The following SYT14 variants were observed in gnomAD, a reference collection of about 807,000 sequenced individuals.
SYT14 encodes synaptotagmin 14.
In SYT14, 32 loss-of-function variants were observed where a neutral mutation model predicts 74.2. That is an observed-to-expected ratio of 0.43 (90% confidence interval 0.33 to 0.58). The LOEUF is 0.58. Among genes scored for constraint, SYT14 ranks in the 20% least tolerant of loss-of-function variants. SYT14 has a pLI of 0.05. For synonymous variants in SYT14, 298 were observed against 337.7 expected (o/e 0.88, Z 1.29); for missense variants, 791 against 981.8 (o/e 0.81, Z 2.60).
intron 7 of SYT14, among the ~76,000 whole-genome samples, chr1:210,111,589 A>T (rs2082263161): frequency 6.6e-6 from 1 of 151,162 alleles, no homozygotes; most frequent in South Asian, 2.1e-4. Context: ...CGGCATGGGA[A>T]CCTAGAGTAG....
chr1:210,078,184 CCTGTAGTCCCAGCTACTCGGGAGG>C (rs1215224056), intron 5 of SYT14, among the ~76,000 whole-genome samples: 1 of 151,618 alleles, frequency 6.6e-6, no homozygotes, highest in East Asian at 1.9e-4. Flanking sequence ...GTAGCGGGCG[CCTGTAGTCCCAGCTACTCGGGAGG>C]CTGAGGCAGG....
At chr1:210,068,324 C>T (rs1244860801) in intron 5 of SYT14, among the ~76,000 whole-genome samples, 1 of 151,710 alleles carries the variant, frequency 6.6e-6, no homozygotes, top group African/African-American at 2.4e-5. Context: ...CTTGTGTTCC[C>T]TTTATAAAGG....
At chr1:210,087,946 T>C (rs1030504354) in intron 5 of SYT14, among the ~76,000 whole-genome samples, 1 of 152,196 alleles carries the variant, frequency 6.6e-6, no homozygotes, top group African/African-American at 2.4e-5. Context: ...AATTTCTGTC[T>C]TTTTAATGTC....
intron 2 of SYT14, among the ~76,000 whole-genome samples, chr1:209,990,550 T>TATATATATATATAC (rs1553262377): frequency 0.074 from 53 of 712 alleles, 1 homozygote; most frequent in African/African-American, 0.13. Context: ...TATATATATG[T>TATATATATATATAC]ATATATATAC....
intron 5 of SYT14, among the ~76,000 whole-genome samples, chr1:210,062,489 A>G (rs180753650): frequency 6.6e-6 from 1 of 152,032 alleles, no homozygotes; most frequent in Non-Finnish European, 1.5e-5. Context: ...TTCACAGATT[A>G]TTAGTTGATT....
intron 5 of SYT14, among the ~76,000 whole-genome samples, chr1:210,032,330 GT>G (rs1489548683): frequency 1.3e-5 from 2 of 151,866 alleles, no homozygotes; most frequent in Non-Finnish European, 2.9e-5. Flanking sequence ...TCCTACTTTG[GT>G]CTCTTGTATT....
At chr1:210,017,925 C>A (rs573982879) in intron 4 of SYT14, among the ~76,000 whole-genome samples, 1 of 152,216 alleles carries the variant, frequency 6.6e-6, no homozygotes, top group South Asian at 2.1e-4. Context: ...AGTTCATACT[C>A]TTGTAAAATA....
At chr1:209,971,866 C>T (rs1260598981) in intron 2 of SYT14, among the ~76,000 whole-genome samples, 2 of 151,928 alleles carry the variant, frequency 1.3e-5, no homozygotes, top group Non-Finnish European at 2.9e-5. Flanking sequence ...TGTATTTTTG[C>T]CAAGTTTTGG....
chr1:209,968,806 G>T (rs2079197793), intron 2 of SYT14, among the ~76,000 whole-genome samples: 1 of 151,242 alleles, frequency 6.6e-6, no homozygotes, highest in African/African-American at 2.4e-5. Context: ...GGTATTTTGT[G>T]TGATGGTGAG....
chr1:210,000,041 T>C (rs944247818), intron 2 of SYT14, among the ~76,000 whole-genome samples: 1 of 152,166 alleles, frequency 6.6e-6, no homozygotes, highest in African/African-American at 2.4e-5. Flanking sequence ...AAATTATGTA[T>C]TAATAAAAAT....
At chr1:210,139,904 T>C (rs544548158) in intron 7 of SYT14, among the ~76,000 whole-genome samples, 2 of 152,362 alleles carry the variant, frequency 1.3e-5, no homozygotes, top group Non-Finnish European at 2.9e-5. Flanking sequence ...GTTGTTTCCA[T>C]TGGCTTTTAT....
intron 7 of SYT14, among the ~76,000 whole-genome samples, chr1:210,107,605 A>G (rs1219805846): frequency 6.6e-6 from 1 of 152,196 alleles, no homozygotes; most frequent in African/African-American, 2.4e-5. Context: ...AAAAATGACT[A>G]ACCCTCTCCT....
At chr1:210,071,142 C>A (rs987475609) in intron 5 of SYT14, among the ~76,000 whole-genome samples, 1 of 151,526 alleles carries the variant, frequency 6.6e-6, no homozygotes, top group Non-Finnish European at 1.5e-5. Flanking sequence ...GATGCCTTCC[C>A]CCTCTACAGA....
chr1:210,016,124 G>C (rs1415070908), exon 4 of SYT14: 1 of 1,231,984 alleles, frequency 8.1e-7, no homozygotes, highest in Admixed American at 4.2e-5. Context: ...TGCTTTAACT[G>C]ACTCAGTTGC....
At chr1:209,945,181 A>G (rs2078803663) in intron 1 of SYT14, among the ~76,000 whole-genome samples, 1 of 152,078 alleles carries the variant, frequency 6.6e-6, no homozygotes, top group African/African-American at 2.4e-5. Context: ...GATGAAAGCT[A>G]TTTTCTGTCC....
At chr1:209,975,598 C>T (rs1468896479) in intron 2 of SYT14, among the ~76,000 whole-genome samples, 6 of 152,236 alleles carry the variant, frequency 3.9e-5, no homozygotes, top group East Asian at 1.9e-4. Flanking sequence ...CTGCTGGATT[C>T]GGTTTGCCAG....
chr1:210,104,291 GA>G (rs1166090412), intron 7 of SYT14, among the ~76,000 whole-genome samples: 1 of 152,192 alleles, frequency 6.6e-6, no homozygotes, highest in Non-Finnish European at 1.5e-5. Flanking sequence ...ATGGTTTGTA[GA>G]CTTCATTCTT....
At chr1:210,070,738 G>A (rs1353776525) in intron 5 of SYT14, among the ~76,000 whole-genome samples, 4 of 152,038 alleles carry the variant, frequency 2.6e-5, no homozygotes, top group African/African-American at 7.2e-5. Context: ...GGGCACAGAA[G>A]AGGCACACTG....
intron 7 of SYT14, among the ~76,000 whole-genome samples, chr1:210,144,444 G>T (rs1363935733): frequency 6.6e-6 from 1 of 152,002 alleles, no homozygotes; most frequent in Non-Finnish European, 1.5e-5. Context: ...TAAAGTCACG[G>T]TCCTGTAACA....
Sources: gnomAD v4.1 joint callset for allele counts (sites outside exome capture counted in the v4.1 genomes callset) on GRCh38, gnomAD v4.1.1 for gene constraint, MANE v1.5 for transcripts, NCBI Gene and HGNC (gene_info 2026-07-23, HGNC 2026-07-21) for gene names.